The following GBF1 variants were observed in gnomAD, a reference collection of about 807,000 sequenced individuals.
The protein encoded by GBF1 is golgi brefeldin A resistant guanine nucleotide exchange factor 1.
Under a neutral mutation model 210.5 loss-of-function variants are expected in GBF1, and 114 were observed. The ratio of observed to expected loss-of-function variants is 0.54; its 90% confidence interval spans 0.47 to 0.63. The LOEUF is 0.63. Among genes scored for constraint, GBF1 ranks in the 30% least tolerant of loss-of-function variants. The pLI, the probability that GBF1 is intolerant of heterozygous loss-of-function variation, is 0.00. For missense variants in GBF1, 1,851 were observed against 2,357.7 expected (o/e 0.79, Z 4.45); for synonymous variants, 850 against 889.2 (o/e 0.96, Z 0.78).
chr10:102,311,228 T>C (rs2078399431), intron 3 of GBF1, among the ~76,000 whole-genome samples: 1 of 152,222 alleles, frequency 6.6e-6, no homozygotes, highest in Admixed American at 6.5e-5. Flanking sequence ...CTGTGGTGTA[T>C]ACACATGATT....
intron 4 of GBF1, among the ~76,000 whole-genome samples, chr10:102,345,229 C>G: frequency 7.0e-6 from 1 of 142,504 alleles, no homozygotes; most frequent in Admixed American, 7.3e-5. Flanking sequence ...TTGCAGAGAG[C>G]AGAGATCGCG....
At chr10:102,291,757 G>A (rs1275403615) in intron 3 of GBF1, among the ~76,000 whole-genome samples, 1 of 152,100 alleles carries the variant, frequency 6.6e-6, no homozygotes, top group African/African-American at 2.4e-5. Flanking sequence ...CAGATGGATG[G>A]GGAGCTAGTT....
intron 3 of GBF1, among the ~76,000 whole-genome samples, chr10:102,328,420 G>A (rs1276107911): frequency 6.6e-6 from 1 of 152,152 alleles, no homozygotes; most frequent in Non-Finnish European, 1.5e-5. Flanking sequence ...GATTACTTGA[G>A]AGGTTGCAGT....
intron 3 of GBF1, among the ~76,000 whole-genome samples, chr10:102,343,341 C>T (rs916635867): frequency 6.6e-6 from 1 of 152,116 alleles, no homozygotes; most frequent in South Asian, 2.1e-4. Flanking sequence ...ACCTAAGGGT[C>T]GCATTGGCTC....
chr10:102,336,621 A>C (rs999920537), intron 3 of GBF1, among the ~76,000 whole-genome samples: 1 of 152,334 alleles, frequency 6.6e-6, no homozygotes, highest in South Asian at 2.1e-4. Flanking sequence ...ACACTTAAGT[A>C]ATTAAAGTCA....
intron 30 of GBF1, among the ~76,000 whole-genome samples, chr10:102,375,829 G>A (rs1232950878): frequency 6.6e-6 from 1 of 151,978 alleles, no homozygotes; most frequent in Non-Finnish European, 1.5e-5. Flanking sequence ...GATTTGTCCT[G>A]AGGACTGTTT....
intron 38 of GBF1, 68 bp from the exon 39 acceptor site, chr10:102,381,059 G>A: frequency 1.3e-6 from 2 of 1,499,408 alleles, no homozygotes; most frequent in Non-Finnish European, 1.8e-6. Context: ...AAGGCTGTTG[G>A]GTAGCTAGGG....
chr10:102,291,895 T>C (rs1447269592), intron 3 of GBF1, among the ~76,000 whole-genome samples: 2 of 150,072 alleles, frequency 1.3e-5, no homozygotes, highest in Non-Finnish European at 3.0e-5. Flanking sequence ...CTTTTCTTTT[T>C]TTTTTTTTTT....
intron 3 of GBF1, among the ~76,000 whole-genome samples, chr10:102,331,069 T>C (rs1046424264): frequency 2.6e-5 from 4 of 152,134 alleles, no homozygotes; most frequent in Admixed American, 2.6e-4. Flanking sequence ...CAGCCTGCTC[T>C]GAGATACACA....
In GBF1 at chr10:102,367,193, G is replaced by A; in HGVS notation, c.2542G>A (p.Ala848Thr). 1 of 1,614,094 alleles carries A rather than the reference G, an allele frequency of 6.2e-7. No homozygotes were observed. The highest frequency in any genetic ancestry group is 8.5e-7 in the Non-Finnish European group (1 of 1,179,972). The change falls in exon 20 of 40, where the codon GCA becomes ACA. Residue 848 changes from alanine (A) to threonine (T), a missense_variant. Around this residue, in one of 3 missense-constraint regions of GBF1, gnomAD observed 80 missense variants for 151.4 expected, o/e 0.53. Transcript: ENST00000369983. ...CAACCACAATGTTCGTAAACAGAATGCACCCATGACCCTGGAGGTAAGCTT... is the reference window on the plus strand; with the variant it reads ...CAACCACAATGTTCGTAAACAGAATACACCCATGACCCTGGAGGTAAGCTT... ...QHNHNVRKQNAPMTLEEFRKN... is the reference protein window; with the variant it reads ...QHNHNVRKQNTPMTLEEFRKN...
At chr10:102,285,029 T>G (rs1002075986) in intron 3 of GBF1, among the ~76,000 whole-genome samples, 1 of 152,196 alleles carries the variant, frequency 6.6e-6, no homozygotes, top group East Asian at 1.9e-4. Context: ...CTGACATGCT[T>G]CTCTCCTGAA....
chr10:102,343,799 C>CAAA (rs56360033), intron 3 of GBF1, among the ~76,000 whole-genome samples: 6 of 124,310 alleles, frequency 4.8e-5, no homozygotes, highest in Non-Finnish European at 8.5e-5. Flanking sequence ...CTCTGTCTGA[C>CAAA]AAAAAAAAAA....
chr10:102,240,968 G>C (rs1211660554), upstream of GBF1, among the ~76,000 whole-genome samples: 1 of 151,988 alleles, frequency 6.6e-6, no homozygotes, highest in Non-Finnish European at 1.5e-5. Context: ...TCCCCCGCTG[G>C]CCAGGGCCTC....
intron 3 of GBF1, among the ~76,000 whole-genome samples, chr10:102,307,441 G>T (rs1022906096): frequency 2.8e-5 from 4 of 145,276 alleles, no homozygotes; most frequent in Admixed American, 6.9e-5. Context: ...CACCAACCTT[G>T]GCAAAAAAAA....
rs2071379404 is a variant in GBF1 at position 102,250,523 on chromosome 10, A to G, written c.-11+4742A>G. Among the ~76,000 whole-genome samples, 4 of 90,814 alleles carry G rather than the reference A, an allele frequency of 4.4e-5. No homozygotes were observed. In the South Asian group the frequency reaches 1.2e-3, roughly 27 times the overall value. The allele number at this position is 90,814 out of a possible 152,430, so 59.6% of individuals were successfully genotyped here. Reference sequence around the variant, plus strand: ...CAGGCATGTATCACTATGTCCCACTAATTTTTTTTTTTTTTTTTTTAATTT... The same window carrying G: ...CAGGCATGTATCACTATGTCCCACTGATTTTTTTTTTTTTTTTTTTAATTT... On this transcript the variant is annotated intron_variant, in intron 1 of 39. Coordinates refer to ENST00000369983, the MANE Select transcript of GBF1 (RefSeq NM_001377137.1).
Position 102,368,891 on chromosome 10 carries a change from A to T in GBF1, c.2973+59A>T, listed in dbSNP as rs754575747. The T allele has an allele frequency of 1.8e-5, 21 of 1,171,478 alleles. No homozygotes were observed. The South Asian group carries it at 2.6e-4, about 15-fold the overall frequency. 72.6% of individuals were successfully genotyped at this position (1,171,478 alleles called of 1,614,324 possible). Reference sequence around the variant, plus strand: ...CCAAAGGAGGACCTCTCTTTTAGCCATGGATCTACCCTTATCAACAGACCT... The same window carrying T: ...CCAAAGGAGGACCTCTCTTTTAGCCTTGGATCTACCCTTATCAACAGACCT... On this transcript the variant is annotated intron_variant, in intron 23 of 39. Transcript: ENST00000369983.
At chr10:102,335,164 G>T (rs1309419036) in intron 3 of GBF1, among the ~76,000 whole-genome samples, 1 of 152,132 alleles carries the variant, frequency 6.6e-6, no homozygotes, top group Non-Finnish European at 1.5e-5. Context: ...ATTGGATCCG[G>T]ATTTGATTCT....
rs909409810 is a variant in GBF1, at chr10:102,267,600, A to G, written c.163+7484A>G. On this transcript the variant is annotated intron_variant, in intron 3 of 39. Transcript: ENST00000369983. ...TAAGTGCCTACTTTTATTTTTTCCT[A>G]CAGGGGTCTATAGTTTAGGGAGTAA... Among the ~76,000 whole-genome samples the G allele has an allele frequency of 4.6e-5, 7 of 152,212 alleles. No individual in the cohort carries two copies. The East Asian group carries it at 1.3e-3, about 29-fold the overall frequency.
chr10:102,286,211 T>G (rs1257871471), intron 3 of GBF1, among the ~76,000 whole-genome samples: 2 of 151,960 alleles, frequency 1.3e-5, no homozygotes, highest in Admixed American at 6.6e-5. Flanking sequence ...TTTTTTTTTT[T>G]TTTTTTCTGT....
Sources: gnomAD v4.1 joint callset for allele counts (sites outside exome capture counted in the v4.1 genomes callset) on GRCh38, gnomAD v4.1.1 for gene constraint, gnomAD v4.1.1 regional missense constraint, MANE v1.5 for transcripts, NCBI Gene and HGNC (gene_info 2026-07-23, HGNC 2026-07-21) for gene names.